Variants in EPHA6 observed in about 807,000 individuals in gnomAD.
EPHA6 encodes the protein ephrin type-A receptor 6.
A neutral mutation model predicts 112.0 loss-of-function variants in EPHA6; 50 were observed. The ratio of observed to expected loss-of-function variants is 0.45; its 90% CI spans 0.36 to 0.56. The LOEUF is 0.56. Ranked by LOEUF, EPHA6 falls within the 20% of genes least tolerant of loss-of-function variation. EPHA6 has a pLI of 0.00. For synonymous variants in EPHA6, 529 were observed against 490.7 expected, an observed-to-expected ratio of 1.08 and a Z score of -1.03; for missense variants, 1,280 against 1,417.4, an observed-to-expected ratio of 0.90 and a Z score of 1.56.
intron 2 of EPHA6, among the ~76,000 whole-genome samples, chr3:96,905,708 G>A (rs534937763): frequency 6.8e-6 from 1 of 148,088 alleles, no homozygotes; most frequent in Non-Finnish European, 1.5e-5. Context: ...TTCTCATTAG[G>A]TTTTTTTTTT....
intron 14 of EPHA6, among the ~76,000 whole-genome samples, chr3:97,661,797 G>T (rs2094171283): frequency 6.6e-6 from 1 of 152,084 alleles, no homozygotes; most frequent in Admixed American, 6.6e-5. Context: ...TCTCTTTGGT[G>T]CTTACACAAA....
At chr3:96,998,704 TA>T (rs2043515536) in intron 3 of EPHA6, among the ~76,000 whole-genome samples, 1 of 151,862 alleles carries the variant, frequency 6.6e-6, no homozygotes, top group African/African-American at 2.4e-5. Context: ...GGTGTGGATT[TA>T]TTTTTTTCCT....
At chr3:97,441,832 A>C (rs1172134689) in intron 6 of EPHA6, among the ~76,000 whole-genome samples, 2 of 152,128 alleles carry the variant, frequency 1.3e-5, no homozygotes. Flanking sequence ...AAATTTTTTT[A>C]AGTTAATTCT....
chr3:96,890,790 A>G (rs577119011), intron 2 of EPHA6, among the ~76,000 whole-genome samples: 74 of 152,322 alleles, frequency 4.9e-4, no homozygotes, highest in Middle Eastern at 3.4e-3. Flanking sequence ...TTAAATCTTA[A>G]TACACACATT....
chr3:97,662,274 T>C (rs1413686410), intron 14 of EPHA6, among the ~76,000 whole-genome samples: 1 of 152,154 alleles, frequency 6.6e-6, no homozygotes, highest in Non-Finnish European at 1.5e-5. Context: ...TAAATGTTAA[T>C]TTAACATGTG....
At chr3:97,517,573 T>C (rs1296687608) in intron 10 of EPHA6, among the ~76,000 whole-genome samples, 1 of 152,144 alleles carries the variant, frequency 6.6e-6, no homozygotes, top group African/African-American at 2.4e-5. Context: ...AATTTGTTAC[T>C]TCACATGCTT....
intron 5 of EPHA6, among the ~76,000 whole-genome samples, chr3:97,262,522 C>T (rs2079538509): frequency 6.6e-6 from 1 of 152,088 alleles, no homozygotes; most frequent in African/African-American, 2.4e-5. Flanking sequence ...TTGTCAATTA[C>T]AAAAGAAATG....
intron 3 of EPHA6, among the ~76,000 whole-genome samples, chr3:97,204,981 A>G (rs556331224): frequency 5.3e-5 from 8 of 152,258 alleles, no homozygotes; most frequent in Middle Eastern, 3.4e-3. Flanking sequence ...CATTAAAATT[A>G]CATAGAAAAA....
intron 11 of EPHA6, among the ~76,000 whole-genome samples, chr3:97,567,999 C>A (rs939693489): frequency 1.3e-5 from 2 of 151,846 alleles, no homozygotes; most frequent in African/African-American, 4.8e-5. Context: ...GGCACCTGGC[C>A]CTGGAATGAT....
chr3:97,292,571 G>A (rs1040104349), intron 5 of EPHA6, among the ~76,000 whole-genome samples: 2 of 152,220 alleles, frequency 1.3e-5, no homozygotes, highest in African/African-American at 4.8e-5. Flanking sequence ...GTGATGGATA[G>A]GTGGATAGCT....
intron 1 of EPHA6, among the ~76,000 whole-genome samples, chr3:96,845,206 T>G (rs1303836704): frequency 2.6e-5 from 4 of 152,032 alleles, no homozygotes; most frequent in African/African-American, 9.7e-5. Context: ...TTCTCTTTAG[T>G]TAGTATAATT....
intron 5 of EPHA6, among the ~76,000 whole-genome samples, chr3:97,380,855 T>A (rs2085685479): frequency 6.6e-6 from 1 of 152,180 alleles, no homozygotes; most frequent in Admixed American, 6.6e-5. Context: ...TAAAACAACA[T>A]CTGCTTCATC....
chr3:97,716,415 A>G (rs973628445), intron 14 of EPHA6, among the ~76,000 whole-genome samples: 5 of 140,888 alleles, frequency 3.5e-5, no homozygotes, highest in Non-Finnish European at 7.4e-5. Flanking sequence ...AAAAATACAA[A>G]AAATTAGCCG....
chr3:96,856,100 C>A (rs1202220715), intron 1 of EPHA6, among the ~76,000 whole-genome samples: 1 of 152,008 alleles, frequency 6.6e-6, no homozygotes. Flanking sequence ...ATTAGCCGGG[C>A]ATGATGGTGC....
chr3:97,232,093 T>C (rs2078543341), intron 4 of EPHA6, among the ~76,000 whole-genome samples: 1 of 152,176 alleles, frequency 6.6e-6, no homozygotes, highest in Admixed American at 6.5e-5. Context: ...GAACTCCACA[T>C]GCCAAAGGAC....
At chr3:96,896,774 A>G (rs1390869323) in intron 2 of EPHA6, among the ~76,000 whole-genome samples, 2 of 152,222 alleles carry the variant, frequency 1.3e-5, no homozygotes, top group African/African-American at 2.4e-5. Flanking sequence ...ACAAAAAGCA[A>G]GACTCTTCAC....
chr3:97,036,770 A>G (rs930633980), intron 3 of EPHA6, among the ~76,000 whole-genome samples: 2 of 151,992 alleles, frequency 1.3e-5, no homozygotes, highest in South Asian at 4.1e-4. Flanking sequence ...GATTGTGACA[A>G]TCATTAAATG....
chr3:97,257,537 T>C (rs1298235294), intron 5 of EPHA6, among the ~76,000 whole-genome samples: 1 of 152,032 alleles, frequency 6.6e-6, no homozygotes, highest in African/African-American at 2.4e-5. Context: ...CTTTGGAAAA[T>C]GGTAATGCTC....
intron 11 of EPHA6, among the ~76,000 whole-genome samples, chr3:97,566,048 A>C (rs950812185): frequency 2.0e-5 from 3 of 151,236 alleles, no homozygotes; most frequent in African/African-American, 7.3e-5. Flanking sequence ...AAAGAGATTT[A>C]ATTGGCTCAC....
Sources: gnomAD v4.1 joint callset for allele counts (sites outside exome capture counted in the v4.1 genomes callset) on GRCh38, gnomAD v4.1.1 for gene constraint, MANE v1.5 for transcripts, NCBI Gene and HGNC (gene_info 2026-07-23, HGNC 2026-07-21) for gene names.